ZNF592: variants seen among roughly 807,000 people sequenced by gnomAD.
The protein encoded by ZNF592 is spinocerebellar ataxia, autosomal recessive 5.
ZNF592 carries 11 observed loss-of-function variants against 80.3 expected under a neutral mutation model. The observed-to-expected ratio is 0.14, with a 90% CI of 0.09 to 0.23. The LOEUF (loss-of-function observed/expected upper bound fraction) is 0.23. Ranked by LOEUF, ZNF592 falls within the 10% of genes least tolerant of loss-of-function variation. ZNF592 has a pLI of 1.00. For missense variants in ZNF592, 1,420 were observed against 1,633.9 expected (o/e 0.87, Z 2.26); for synonymous variants, 646 against 640.3 (o/e 1.01, Z -0.13).
At position 84,802,077 on chromosome 15, in the gene ZNF592, C is replaced by G; in HGVS notation, c.3488C>G (p.Thr1163Ser). 1.2e-6 allele frequency: 2 copies of G among 1,613,534 alleles called. No homozygotes were observed. Among genetic ancestry groups the G allele is most frequent in the Non-Finnish European group, 1.7e-6 (2 of 1,179,786 alleles). Residue 1163 changes from threonine to serine, a missense_variant, in exon 11 of 11, where the codon ACC becomes AGC. This residue lies in a region of ZNF592 where 145 missense variants were observed against 211.9 expected (regional missense o/e 0.68). Coordinates refer to ENST00000560079, the MANE Select transcript of ZNF592 (RefSeq NM_014630.3). ...AQCLLCGLCYTSASSLSRHLF... is the reference protein window; with the variant it reads ...AQCLLCGLCYSSASSLSRHLF... Reference sequence around the variant, plus strand: ...TGTCTCCTCTGTGGTTTGTGCTACACCTCTGCCAGCTCCCTCAGCCGCCAC... The same window carrying G: ...TGTCTCCTCTGTGGTTTGTGCTACAGCTCTGCCAGCTCCCTCAGCCGCCAC...
intron 3 of ZNF592, among the ~76,000 whole-genome samples, chr15:84,781,486 A>G (rs1405293122): frequency 3.3e-5 from 5 of 150,184 alleles, no homozygotes; most frequent in Admixed American, 1.3e-4. Context: ...ATACTTTTGC[A>G]TGTAGTTTTT....
At chr15:84,757,670 T>C (rs1899217249) in intron 1 of ZNF592, among the ~76,000 whole-genome samples, 1 of 151,594 alleles carries the variant, frequency 6.6e-6, no homozygotes, top group African/African-American at 2.4e-5. Context: ...ATCTTTTTTT[T>C]TTTTTTGAGA....
In ZNF592 at chr15:84,805,726, CTTTTTTTGTTTGTTTG is replaced by C. The variant is rs1440385714; in HGVS notation, c.*3345_*3360del. On this transcript the variant is annotated 3_prime_UTR_variant, in exon 11 of 11. Coordinates refer to ENST00000560079, the MANE Select transcript of ZNF592 (RefSeq NM_014630.3). Reference sequence around the variant, plus strand: ...CTGTATATTCAGCACCAGGCAGTTTCTTTTTTTGTTTGTTTGTTTTTTTGTTTTGAAAAATTAATAC... The same window carrying C: ...CTGTATATTCAGCACCAGGCAGTTTCTTTTTTTGTTTTGAAAAATTAATAC... The C allele has an allele frequency of 4.8e-5, 7 of 144,862 alleles. No individual in the cohort carries two copies. The highest frequency in any genetic ancestry group is 1.1e-4 in the Non-Finnish European group (7 of 62,994). 9.0% of individuals were successfully genotyped at this position (144,862 alleles called of 1,614,324 possible). A position where few individuals can be genotyped will look rare whatever the true frequency, so the allele number is the denominator to read the frequency against.
chr15:84,778,698 T>G (rs1326599039), intron 3 of ZNF592, among the ~76,000 whole-genome samples: 1 of 152,182 alleles, frequency 6.6e-6, no homozygotes, highest in African/African-American at 2.4e-5. Flanking sequence ...GTGGAGATGC[T>G]ACACTAACTG....
rs1962540983 is a variant in ZNF592 at position 84,784,745 on chromosome 15, C to T, written c.2070C>T (p.Ala690=). The T allele has an allele frequency of 6.2e-7, 1 of 1,614,136 alleles. No homozygotes were observed. The part of the protein sequence containing the change: ...SPKHGLTSGS[A]SPPPPALPLY... Reference sequence around the variant, plus strand: ...AACATGGCCTCACTTCGGGCAGTGCCAGTCCCCCTCCTCCAGCCTTGCCAC... The same window carrying T: ...AACATGGCCTCACTTCGGGCAGTGCTAGTCCCCCTCCTCCAGCCTTGCCAC... Residue 690 remains alanine, a synonymous_variant, in exon 4 of 11, where the codon GCC becomes GCT. Coordinates refer to ENST00000560079, the MANE Select transcript of ZNF592 (RefSeq NM_014630.3). The surrounding 1 kb of genome is among the most constrained non-coding windows in gnomAD (Gnocchi z 5.8).
intron 4 of ZNF592, among the ~76,000 whole-genome samples, chr15:84,786,414 A>G (rs1237183180): frequency 1.3e-5 from 2 of 152,176 alleles, no homozygotes; most frequent in Non-Finnish European, 2.9e-5. Flanking sequence ...TAGGAGGGGC[A>G]AGGGTGTTTT....
chr15:84,772,673 G>A (rs1164625459), intron 2 of ZNF592, among the ~76,000 whole-genome samples: 1 of 152,238 alleles, frequency 6.6e-6, no homozygotes, highest in Non-Finnish European at 1.5e-5. Context: ...CCCACAGGTT[G>A]TGAAACATCC....
intron 2 of ZNF592, among the ~76,000 whole-genome samples, chr15:84,767,858 T>C (rs1457538486): frequency 1.3e-5 from 2 of 151,934 alleles, no homozygotes; most frequent in Non-Finnish European, 2.9e-5. Context: ...ATTTTCTTTT[T>C]TTTTATTTGT....
At chr15:84,790,311 T>C (rs1962710710) in intron 4 of ZNF592, among the ~76,000 whole-genome samples, 1 of 152,114 alleles carries the variant, frequency 6.6e-6, no homozygotes, top group Admixed American at 6.5e-5. Context: ...TGGCAAGAAC[T>C]GCCTCTACTG....
rs1363961443 is a variant in ZNF592, at chr15:84,803,662, G to T, written c.*1269G>T. The T allele has an allele frequency of 6.6e-6, 1 of 152,234 alleles. No individual in the cohort carries two copies. The highest frequency in any genetic ancestry group is 1.5e-5 in the Non-Finnish European group (1 of 68,038). 9.4% of individuals were successfully genotyped at this position (152,234 alleles called of 1,614,324 possible). A position where few individuals can be genotyped will look rare whatever the true frequency, so the allele number is the denominator to read the frequency against. On this transcript the variant is annotated 3_prime_UTR_variant, in exon 11 of 11. Coordinates refer to ENST00000560079, the MANE Select transcript of ZNF592 (RefSeq NM_014630.3). Reference sequence around the variant, plus strand: ...CCCCTTACTGGTAAAAAGGGAAAAGGGGGTGGAGAAGAGGAATTTTATAAT... The same window carrying T: ...CCCCTTACTGGTAAAAAGGGAAAAGTGGGTGGAGAAGAGGAATTTTATAAT...
chr15:84,761,677 G>A (rs1330347309), intron 1 of ZNF592, among the ~76,000 whole-genome samples: 7 of 152,142 alleles, frequency 4.6e-5, no homozygotes, highest in African/African-American at 1.2e-4. Context: ...TTCACCTCAC[G>A]GGCTGTAATC....
intron 4 of ZNF592, among the ~76,000 whole-genome samples, chr15:84,790,479 G>C (rs1234412417): frequency 6.6e-6 from 1 of 152,212 alleles, no homozygotes; most frequent in Non-Finnish European, 1.5e-5. Flanking sequence ...AATAGGGTCA[G>C]GTCTGTCTCT....
chr15:84,790,577 G>GT, intron 4 of ZNF592, 128 bp from the exon 5 acceptor site: 1 of 935,326 alleles, frequency 1.1e-6, no homozygotes, highest in Non-Finnish European at 1.7e-6. Flanking sequence ...GTCCAGGAGA[G>GT]TTGGAAGAGA....
At chr15:84,773,304 C>T (rs368893694) in intron 2 of ZNF592, among the ~76,000 whole-genome samples, 34 of 151,878 alleles carry the variant, frequency 2.2e-4, no homozygotes, top group African/African-American at 6.3e-4. Context: ...CTCCGCCTCC[C>T]GGGTTCACGC....
chr15:84,776,119 C>A (rs1962245602), intron 2 of ZNF592, among the ~76,000 whole-genome samples: 1 of 152,226 alleles, frequency 6.6e-6, no homozygotes, highest in Admixed American at 6.5e-5. Context: ...CTAGGCTGTT[C>A]TAGATCACTC....
chr15:84,789,923 C>CT (rs1470056408), intron 4 of ZNF592, among the ~76,000 whole-genome samples: 1 of 152,200 alleles, frequency 6.6e-6, no homozygotes, highest in Non-Finnish European at 1.5e-5. Context: ...TCTGGGCTGG[C>CT]TGCTTGTCAG....
chr15:84,798,109 G>T lies in ZNF592; in HGVS notation c.2576+64G>T. The T allele has an allele frequency of 6.3e-7, 1 of 1,596,538 alleles. No individual in the cohort carries two copies. The highest frequency in any genetic ancestry group is 1.1e-5 in the South Asian group (1 of 90,132). On this transcript the variant is annotated intron_variant, in intron 6 of 10. Coordinates refer to ENST00000560079, the MANE Select transcript of ZNF592 (RefSeq NM_014630.3). This position sits in a 1 kb window ranked among gnomAD's most constrained non-coding sequence, Gnocchi z 4.5. ...GAGAGGAGTAGCCTGGGTGCTGTAG[G>T]GGGTGGCATAGGGATGGGTGAGGGA... is the stretch of plus-strand genomic sequence containing the variant.
chr15:84,780,861 C>A (rs1248294506), intron 3 of ZNF592, among the ~76,000 whole-genome samples: 4 of 151,890 alleles, frequency 2.6e-5, no homozygotes, highest in Non-Finnish European at 5.9e-5. Flanking sequence ...AAAAAATAAC[C>A]CAACAGTAAT....
At chr15:84,793,093 T>A (rs972556598) in intron 5 of ZNF592, among the ~76,000 whole-genome samples, 3 of 152,042 alleles carry the variant, frequency 2.0e-5, no homozygotes, top group African/African-American at 7.3e-5. Context: ...TTTTTTTTTT[T>A]AAAGATGGAG....
Sources: gnomAD v4.1 joint callset for allele counts (sites outside exome capture counted in the v4.1 genomes callset) on GRCh38, gnomAD v4.1.1 for gene constraint, gnomAD v4.1.1 regional missense constraint, Gnocchi (gnomAD v3.1) non-coding constraint, MANE v1.5 for transcripts, NCBI Gene and HGNC (gene_info 2026-07-23, HGNC 2026-07-21) for gene names.